Variants in CDH4 observed in about 807,000 individuals in gnomAD.
The protein encoded by CDH4 is cadherin 4.
In CDH4, 33 loss-of-function variants were observed where a neutral mutation model predicts 86.0. That is an observed-to-expected ratio of 0.38 (90% CI 0.29 to 0.51). The LOEUF is 0.51. Among genes scored for constraint, CDH4 ranks in the 20% least tolerant of loss-of-function variants. The pLI, the probability that CDH4 is intolerant of heterozygous loss-of-function variation, is 0.86. For synonymous variants in CDH4, 555 were observed against 549.4 expected, an observed-to-expected ratio of 1.01 and a Z score of -0.14; for missense variants, 1,114 against 1,307.4, an observed-to-expected ratio of 0.85 and a Z score of 2.28.
At chr20:61,625,839 G>A (rs1219060504) in intron 2 of CDH4, among the ~76,000 whole-genome samples, 2 of 152,230 alleles carry the variant, frequency 1.3e-5, no homozygotes, top group Non-Finnish European at 2.9e-5. Context: ...AAGGCTCAAG[G>A]AGACTGTGAC....
At chr20:61,311,306 G>A (rs947942033) in intron 2 of CDH4, among the ~76,000 whole-genome samples, 2 of 152,174 alleles carry the variant, frequency 1.3e-5, no homozygotes, top group African/African-American at 4.8e-5. Flanking sequence ...GAAAGGAAAA[G>A]ATGGATCTGA....
intron 2 of CDH4, among the ~76,000 whole-genome samples, chr20:61,674,212 G>A (rs886659062): frequency 1.3e-5 from 2 of 152,288 alleles, no homozygotes; most frequent in Admixed American, 1.3e-4. Context: ...GGAGCCCCAA[G>A]CCTGAGCTGC....
At chr20:61,288,964 T>C (rs562096086) in intron 2 of CDH4, among the ~76,000 whole-genome samples, 18 of 77,984 alleles carry the variant, frequency 2.3e-4, no homozygotes, top group Non-Finnish European at 5.2e-4. Context: ...AGAGATCCTA[T>C]TAGGGAAGGA....
At chr20:61,414,076 C>A (rs1399272298) in intron 2 of CDH4, among the ~76,000 whole-genome samples, 1 of 152,222 alleles carries the variant, frequency 6.6e-6, no homozygotes, top group East Asian at 1.9e-4. Flanking sequence ...GGACATCAGT[C>A]CCACTACATT....
At chr20:61,547,283 G>C (rs2086095326) in intron 2 of CDH4, among the ~76,000 whole-genome samples, 1 of 143,534 alleles carries the variant, frequency 7.0e-6, no homozygotes, top group African/African-American at 2.6e-5. Flanking sequence ...CTGGATCTCG[G>C]CTCACTGCAA....
chr20:61,879,440 G>C lies in CDH4; in HGVS notation c.1050+5540G>C, dbSNP rs1458267131. Among the ~76,000 whole-genome samples the C allele has an allele frequency of 6.6e-6, 1 of 152,214 alleles. No individual in the cohort carries two copies. The highest frequency in any genetic ancestry group is 1.5e-5 in the Non-Finnish European group (1 of 68,040). The stretch of plus-strand genomic sequence containing the variant: ...AGCAGAGTCTTCGGGGGAAGCACCA[G>C]AGATACTTCTCAGCACCAGCCTCCA... On this transcript the variant is annotated intron_variant, in intron 7 of 15. Coordinates refer to ENST00000614565, the MANE Select transcript of CDH4 (RefSeq NM_001794.5). This position sits in a 1 kb window ranked among gnomAD's most constrained non-coding sequence, Gnocchi z 4.1.
intron 2 of CDH4, among the ~76,000 whole-genome samples, chr20:61,416,762 C>G (rs1276702880): frequency 2.6e-5 from 4 of 152,230 alleles, no homozygotes; most frequent in Non-Finnish European, 4.4e-5. Flanking sequence ...CAGCATGGCG[C>G]TGGGCGAGTC....
chr20:61,582,188 C>G lies in CDH4; in HGVS notation c.170-161375C>G, dbSNP rs1412813376. 1.3e-5 allele frequency among the ~76,000 whole-genome samples: 2 copies of G among 152,234 alleles called. No individual in the cohort carries two copies. The highest frequency in any genetic ancestry group is 4.8e-5 in the African/African-American group (2 of 41,468). ...TGTCCACCTGCCCCTCCCTGGTCATCCCAGGCCTGACCTCTGCAGCTTCTT... is the reference window on the plus strand; with the variant it reads ...TGTCCACCTGCCCCTCCCTGGTCATGCCAGGCCTGACCTCTGCAGCTTCTT... On this transcript the variant is annotated intron_variant, in intron 2 of 15. Coordinates refer to ENST00000614565, the MANE Select transcript of CDH4 (RefSeq NM_001794.5). This position sits in a 1 kb window ranked among gnomAD's most constrained non-coding sequence, Gnocchi z 4.2.
intron 2 of CDH4, among the ~76,000 whole-genome samples, chr20:61,655,743 G>A (rs2087180268): frequency 6.6e-6 from 1 of 152,218 alleles, no homozygotes; most frequent in Non-Finnish European, 1.5e-5. Flanking sequence ...GTTCTGTCCT[G>A]GGCATGGGGA....
intron 2 of CDH4, among the ~76,000 whole-genome samples, chr20:61,448,376 T>C: frequency 6.6e-6 from 1 of 152,346 alleles, no homozygotes; most frequent in African/African-American, 2.4e-5. Context: ...TAGAAATTAA[T>C]GGAGAAAAAC....
chr20:61,730,282 A>G (rs1341037724), intron 2 of CDH4, among the ~76,000 whole-genome samples: 2 of 152,126 alleles, frequency 1.3e-5, no homozygotes, highest in African/African-American at 2.4e-5. Flanking sequence ...CAGACCTCAC[A>G]GTGCTGCTTC....
intron 4 of CDH4, among the ~76,000 whole-genome samples, chr20:61,790,417 TATCCATTCATCTCTCCATCC>T (rs1161473081): frequency 2.1e-5 from 3 of 141,782 alleles, no homozygotes; most frequent in African/African-American, 8.1e-5. Flanking sequence ...TCTACCCATC[TATCCATTCATCTCTCCATCC>T]ATCCATTCAT....
chr20:61,655,393 C>T (rs989428263), intron 2 of CDH4, among the ~76,000 whole-genome samples: 5 of 152,188 alleles, frequency 3.3e-5, no homozygotes, highest in Non-Finnish European at 5.9e-5. Flanking sequence ...CACACACACA[C>T]ATACACAGAA....
chr20:61,570,722 G>C (rs115482123), intron 2 of CDH4: 1 of 702,350 alleles, frequency 1.4e-6, no homozygotes, highest in Non-Finnish European at 2.6e-6. Context: ...GATGCTTCAC[G>C]GAGGCAGGGA....
intron 4 of CDH4, among the ~76,000 whole-genome samples, chr20:61,788,971 A>T (rs1278934336): frequency 6.6e-6 from 1 of 152,068 alleles, no homozygotes; most frequent in Non-Finnish European, 1.5e-5. Context: ...CTTCAAAATG[A>T]CTCTCTAAAA....
At chr20:61,664,505 A>C (rs897998257) in intron 2 of CDH4, among the ~76,000 whole-genome samples, 10 of 152,224 alleles carry the variant, frequency 6.6e-5, no homozygotes, top group Non-Finnish European at 1.2e-4. Context: ...AGCCTGCATC[A>C]GCCGGGCTGG....
intron 2 of CDH4, among the ~76,000 whole-genome samples, chr20:61,577,393 T>C (rs1188745314): frequency 1.3e-5 from 2 of 152,240 alleles, no homozygotes; most frequent in Non-Finnish European, 2.9e-5. Context: ...GTTTGTATAT[T>C]GAAGGATGAG....
intron 2 of CDH4, among the ~76,000 whole-genome samples, chr20:61,686,822 T>C (rs1228857339): frequency 2.0e-5 from 3 of 152,212 alleles, no homozygotes; most frequent in African/African-American, 7.2e-5. Flanking sequence ...TGTGTGGTCA[T>C]GTGTGCAGGG....
chr20:61,816,652 A>T (rs1170757954), intron 4 of CDH4, among the ~76,000 whole-genome samples: 5 of 146,638 alleles, frequency 3.4e-5, no homozygotes, highest in African/African-American at 1.2e-4. Context: ...CGGGCATTGG[A>T]GGGGATGATG....
Sources: allele counts gnomAD v4.1 joint callset (sites outside exome capture counted in the v4.1 genomes callset), GRCh38; gene constraint gnomAD v4.1.1; non-coding constraint Gnocchi (gnomAD v3.1); transcripts MANE v1.5; gene names NCBI Gene and HGNC (gene_info 2026-07-23, HGNC 2026-07-21).